Variants in TMIGD2 observed in about 807,000 individuals in gnomAD.
The protein encoded by TMIGD2 is transmembrane and immunoglobulin domain containing 2, also known as transmembrane and immunoglobulin domain-containing protein 2.
Under a neutral mutation model 22.6 loss-of-function variants are expected in TMIGD2, and 18 were observed. The ratio of observed to expected loss-of-function variants is 0.80; its 90% CI spans 0.55 to 1.18. The LOEUF (loss-of-function observed/expected upper bound fraction) is 1.18. TMIGD2 is among the 50% of genes most tolerant of loss of function. The pLI is 0.00. For missense variants in TMIGD2, 361 were observed against 378.2 expected (o/e 0.95, Z 0.38); for synonymous variants, 184 against 154.1 (o/e 1.19, Z -1.44).
At chr19:4,298,217 A>G (rs1386873273) in exon 2 of TMIGD2, 1 of 1,613,088 alleles carries the variant, frequency 6.2e-7, no homozygotes, top group African/African-American at 1.3e-5. Context: ...TCCTTTGTCC[A>G]CTTAACACGG....
rs756442311 is a variant in TMIGD2, at chr19:4,292,843, GC to G, written c.604del (p.Ala202ProfsTer94). ...AGAGCAGTCCTCACTCTTCTTTGGG[GC>G]CCCCCGGGGCCGGTATAGGACGTTG... is the stretch of plus-strand genomic sequence containing the variant. On this transcript the variant is annotated frameshift_variant, in exon 5 of 5. Transcript: ENST00000301272. LOFTEE classifies it low-confidence loss of function (END_TRUNC). The G allele has an allele frequency of 6.4e-5, 103 of 1,613,630 alleles. No individual in the cohort carries two copies. Among genetic ancestry groups the G allele is most frequent in the Admixed American group, 1.0e-4 (6 of 59,922 alleles).
chr19:4,294,844 G>A, intron 2 of TMIGD2, 28 bp from the exon 3 acceptor site: 1 of 1,539,938 alleles, frequency 6.5e-7, no homozygotes, highest in African/African-American at 1.4e-5. Flanking sequence ...ATGTCACGGG[G>A]GTGCCAGGCT....
At chr19:4,294,754 G>C in intron 3 of TMIGD2, 21 bp downstream of exon 3, 1 of 1,582,584 alleles carries the variant, frequency 6.3e-7, no homozygotes, top group Non-Finnish European at 8.6e-7. Flanking sequence ...CGCTGGGGGA[G>C]GAACACAGGG....
exon 5 of TMIGD2, chr19:4,292,595 T>C (rs547076686): frequency 1.9e-6 from 3 of 1,612,696 alleles, no homozygotes; most frequent in East Asian, 4.5e-5. Context: ...TCTCCTGGGA[T>C]CTCTCACTCC....
At chr19:4,294,839 A>G in intron 2 of TMIGD2, 23 bp from the exon 3 acceptor site, 2 of 1,544,470 alleles carry the variant, frequency 1.3e-6, no homozygotes, top group Non-Finnish European at 1.7e-6. Flanking sequence ...AATCTATGTC[A>G]CGGGGGTGCC....
intron 1 of TMIGD2, 66 bp downstream of exon 1, chr19:4,302,274 G>A: frequency 6.6e-7 from 1 of 1,511,704 alleles, no homozygotes; most frequent in Non-Finnish European, 8.9e-7. Flanking sequence ...CCCTGAGCTG[G>A]GGGGCAGGCA....
intron 1 of TMIGD2, among the ~76,000 whole-genome samples, chr19:4,299,634 C>T (rs1308029064): frequency 6.6e-6 from 1 of 151,810 alleles, no homozygotes; most frequent in Non-Finnish European, 1.5e-5. Flanking sequence ...TGCCTGTAAT[C>T]CCTGTACTTT....
intron 2 of TMIGD2, among the ~76,000 whole-genome samples, chr19:4,296,955 A>G (rs1371365228): frequency 6.6e-6 from 1 of 152,174 alleles, no homozygotes; most frequent in African/African-American, 2.4e-5. Flanking sequence ...CCTGGTGCAT[A>G]ACGCTAGATA....
At chr19:4,292,943 T>G in intron 4 of TMIGD2, 58 bp from the exon 5 acceptor site, 2 of 1,589,304 alleles carry the variant, frequency 1.3e-6, no homozygotes, top group Non-Finnish European at 1.7e-6. Flanking sequence ...CCTCTCCAGC[T>G]GACCTCTGGG....
rs139771942 is a variant in TMIGD2 at position 4,302,314 on chromosome 19, G to C, written c.46+26C>G. ...GGGATGACAGCAAGAGTGGGGTTCA[G>C]AGGGGAGGGAGGCCCAGATACTCAC... On this transcript the variant is annotated intron_variant, in intron 1 of 4. Coordinates refer to ENST00000301272, the Ensembl canonical transcript of TMIGD2. The C allele has an allele frequency of 3.9e-3, 6,108 of 1,559,324 alleles. 22 individuals carry two copies. Among genetic ancestry groups the C allele is most frequent in the Non-Finnish European group, 4.8e-3 (5,569 of 1,150,764 alleles).
chr19:4,294,862 C>T (rs374317671), intron 2 of TMIGD2, 46 bp from the exon 3 acceptor site: 2 of 1,511,806 alleles, frequency 1.3e-6, no homozygotes, highest in Non-Finnish European at 8.8e-7. Context: ...GCTTCTCCAC[C>T]CTCCAAGGAC....
intron 2 of TMIGD2, 68 bp from the exon 3 acceptor site, chr19:4,294,884 G>C: frequency 7.0e-7 from 1 of 1,431,752 alleles, no homozygotes; most frequent in African/African-American, 1.4e-5. Flanking sequence ...GAGCTCACTT[G>C]GGGGGACCTA....
Position 4,302,342 on chromosome 19 carries a change from C to T in TMIGD2, c.44G>A (p.Trp15Ter). 1 of 1,574,396 alleles carries T rather than the reference C, an allele frequency of 6.4e-7. No individual in the cohort carries two copies. The highest frequency in any genetic ancestry group is 8.6e-7 in the Non-Finnish European group (1 of 1,159,032). Reference sequence around the variant, plus strand: ...GGGAGGGAGGCCCAGATACTCACCCCAGATCTGCACCAGGAGGCCCAGCAC... The same window carrying T: ...GGGAGGGAGGCCCAGATACTCACCCTAGATCTGCACCAGGAGGCCCAGCAC... Residue 15 changes from tryptophan (W) to a stop codon, truncating the protein, a stop_gained and splice_region_variant, in exon 1 of 5, where the codon TGG becomes TAG. Transcript: ENST00000301272. LOFTEE classifies it high-confidence loss of function.
At chr19:4,296,075 T>C (rs969464727) in intron 2 of TMIGD2, among the ~76,000 whole-genome samples, 2 of 152,116 alleles carry the variant, frequency 1.3e-5, no homozygotes, top group Non-Finnish European at 2.9e-5. Flanking sequence ...TATGCCACCA[T>C]GCCTGGCTAA....
At chr19:4,294,129 G>A (rs990449492) in intron 4 of TMIGD2, among the ~76,000 whole-genome samples, 4 of 149,844 alleles carry the variant, frequency 2.7e-5, no homozygotes, top group East Asian at 2.0e-4. Context: ...GTTCAGTGGC[G>A]CGATCTTGGC....
chr19:4,292,449 C>G, exon 5 of TMIGD2: 1 of 815,452 alleles, frequency 1.2e-6, no homozygotes, highest in Admixed American at 1.9e-5. Flanking sequence ...TCAAGCCAGG[C>G]TGGTCTCAAA....
intron 4 of TMIGD2, among the ~76,000 whole-genome samples, 181 bp from the exon 5 acceptor site, chr19:4,293,066 C>T (rs1971405359): frequency 6.6e-6 from 1 of 151,850 alleles, no homozygotes; most frequent in East Asian, 1.9e-4. Flanking sequence ...TGGGTTCACG[C>T]CATTCTCCTG....
chr19:4,293,811 G>T (rs1370323831), intron 4 of TMIGD2, among the ~76,000 whole-genome samples: 1 of 151,818 alleles, frequency 6.6e-6, no homozygotes, highest in Admixed American at 6.6e-5. Flanking sequence ...GCCCAGGCTG[G>T]AGTGTAGTGA....
In TMIGD2 at chr19:4,292,683, G is replaced by A. The variant is rs148804982; in HGVS notation, c.765C>T (p.Pro255=). Reference sequence around the variant, plus strand: ...TAGGAGAGACCCTGACCATAGAGACGGGGTGGCCGGGCCTGGGGCTGGGGC... The same window carrying A: ...TAGGAGAGACCCTGACCATAGAGACAGGGTGGCCGGGCCTGGGGCTGGGGC... Residue 255 remains proline, a synonymous_variant, in exon 5 of 5, where the codon CCC becomes CCT. Coordinates refer to ENST00000301272, the Ensembl canonical transcript of TMIGD2. 3.2e-3 allele frequency: 5,120 copies of A among 1,603,542 alleles called. 18 individuals carry two copies. Among genetic ancestry groups the A allele is most frequent in the Non-Finnish European group, 3.8e-3 (4,527 of 1,175,954 alleles).
Sources: gnomAD v4.1 joint callset for allele counts (sites outside exome capture counted in the v4.1 genomes callset) on GRCh38, gnomAD v4.1.1 for gene constraint, MANE v1.5 for transcripts, NCBI Gene and HGNC (gene_info 2026-07-23, HGNC 2026-07-21) for gene names.